Variants in SOX6 observed in about 807,000 individuals in gnomAD.
SOX6 encodes transcription factor SOX-6.
SOX6 carries 11 observed loss-of-function variants against 97.8 expected under a neutral mutation model. That is an observed-to-expected ratio of 0.11 (90% CI 0.07 to 0.19). The LOEUF (loss-of-function observed/expected upper bound fraction) is 0.19, where lower values mean the gene tolerates loss of function less well. Ranked by LOEUF, SOX6 falls within the 10% of genes least tolerant of loss-of-function variation. SOX6 has a pLI of 1.00. For missense variants in SOX6, 810 were observed against 1,039.5 expected, an observed-to-expected ratio of 0.78 and a Z score of 3.04; for synonymous variants, 360 against 371.4, an observed-to-expected ratio of 0.97 and a Z score of 0.35.
At chr11:16,054,171 A>G (rs75082810) in intron 10 of SOX6, among the ~76,000 whole-genome samples, 23 of 152,222 alleles carry the variant, frequency 1.5e-4, no homozygotes, top group Non-Finnish European at 3.1e-4. Context: ...TCCAGTAAAG[A>G]CTTGGTTTGG....
intron 5 of SOX6, 103 bp downstream of exon 5, chr11:16,186,680 T>A: frequency 7.5e-7 from 1 of 1,338,204 alleles, no homozygotes; most frequent in Non-Finnish European, 1.0e-6. Flanking sequence ...TTTATTTTTA[T>A]TTTTTAGGAA....
chr11:16,662,376 T>C (rs541135642), intron 3 of SOX6, among the ~76,000 whole-genome samples: 1 of 152,354 alleles, frequency 6.6e-6, no homozygotes, highest in South Asian at 2.1e-4. Context: ...AATGTAATTC[T>C]TAACCTTATT....
chr11:16,647,544 T>A (rs1849032213), intron 3 of SOX6, among the ~76,000 whole-genome samples: 1 of 152,078 alleles, frequency 6.6e-6, no homozygotes, highest in Admixed American at 6.6e-5. Context: ...AACAAAACAG[T>A]GTGTGGAGAC....
intron 4 of SOX6, among the ~76,000 whole-genome samples, chr11:16,606,343 A>G (rs1164558391): frequency 6.6e-6 from 1 of 152,118 alleles, no homozygotes; most frequent in Non-Finnish European, 1.5e-5. Flanking sequence ...TGCGGCGGTA[A>G]CAAGAGATAC....
intron 1 of SOX6, among the ~76,000 whole-genome samples, chr11:16,393,126 C>A (rs773487267): frequency 6.6e-6 from 1 of 151,974 alleles, no homozygotes; most frequent in Admixed American, 6.6e-5. Flanking sequence ...TTGAGTCTAG[C>A]GCTCCACAGT....
chr11:16,673,112 G>A (rs1488496808), intron 3 of SOX6, among the ~76,000 whole-genome samples: 1 of 152,068 alleles, frequency 6.6e-6, no homozygotes, highest in Admixed American at 6.5e-5. Context: ...TACAGTGAAA[G>A]TGAAAGCAGT....
chr11:16,594,599 A>G (rs540067024), intron 4 of SOX6, among the ~76,000 whole-genome samples: 24 of 151,986 alleles, frequency 1.6e-4, no homozygotes, highest in African/African-American at 3.1e-4. Context: ...CTGAGACTCA[A>G]TTGATTAATA....
In SOX6 at chr11:16,732,012, C is replaced by T. The variant is rs570570137; in HGVS notation, n.353+4327G>A. The stretch of plus-strand genomic sequence containing the variant: ...CAATTGCTACAAAGAGAATAAAATA[C>T]CCAGGAATACAACTTAGAATTGATG... On this transcript the variant is annotated intron_variant and non_coding_transcript_variant, in intron 2 of 5. Coordinates refer to the SOX6 transcript ENST00000524520. 4.6e-5 allele frequency among the ~76,000 whole-genome samples: 7 copies of T among 152,208 alleles called. No individual in the cohort carries two copies. In the East Asian group the frequency reaches 1.2e-3, roughly 25 times the overall value.
intron 4 of SOX6, among the ~76,000 whole-genome samples, chr11:16,520,352 T>C (rs1164631783): frequency 2.6e-5 from 4 of 152,262 alleles, no homozygotes; most frequent in African/African-American, 4.8e-5. Context: ...AAGTCTTTAA[T>C]CCATTTTGAG....
chr11:16,243,518 A>G (rs926502779), intron 3 of SOX6, among the ~76,000 whole-genome samples: 5 of 151,932 alleles, frequency 3.3e-5, no homozygotes, highest in African/African-American at 1.2e-4. Context: ...TTAATTAACT[A>G]TATTCATATA....
intron 1 of SOX6, among the ~76,000 whole-genome samples, chr11:16,396,735 T>C (rs780433274): frequency 6.6e-5 from 10 of 151,622 alleles, no homozygotes; most frequent in Non-Finnish European, 1.3e-4. Context: ...ATGAAGTAAT[T>C]TATGCAAAAT....
chr11:16,461,061 A>T (rs1354327), intron 1 of SOX6, among the ~76,000 whole-genome samples: 149,661 of 152,186 alleles, frequency 0.98, 73,642 homozygotes, highest in East Asian at 1. Context: ...TAATTTTCAG[A>T]GAGGATCTAA....
At chr11:16,214,382 G>C (rs1198499506) in intron 4 of SOX6, among the ~76,000 whole-genome samples, 3 of 152,076 alleles carry the variant, frequency 2.0e-5, no homozygotes. Flanking sequence ...TGAATTACTG[G>C]GTACTTACTA....
chr11:16,319,359 C>T (rs1025826530), intron 2 of SOX6, among the ~76,000 whole-genome samples: 1 of 152,050 alleles, frequency 6.6e-6, no homozygotes, highest in Admixed American at 6.6e-5. Flanking sequence ...TTAAAAATGT[C>T]TTTTTTTAGT....
At position 16,297,451 on chromosome 11, in the gene SOX6, T is replaced by C. The variant is rs192715669; in HGVS notation, c.445+20995A>G. Among the ~76,000 whole-genome samples, 418 of 152,320 alleles carry C rather than the reference T, an allele frequency of 2.7e-3. 2 individuals are homozygous for C. Among genetic ancestry groups the C allele is most frequent in the African/African-American group, 9.3e-3 (386 of 41,582 alleles). ...CTGCTATCTTTTGTAACAGTTCACATGTCAAACTGGCAAAGTGCCCATATT... is the reference window on the plus strand; with the variant it reads ...CTGCTATCTTTTGTAACAGTTCACACGTCAAACTGGCAAAGTGCCCATATT... On this transcript the variant is annotated intron_variant, in intron 3 of 15. Coordinates refer to ENST00000683767, the MANE Select transcript of SOX6 (RefSeq NM_001367873.1).
chr11:16,553,787 AGATGAGTTTCATCAC>A (rs1358066479), intron 4 of SOX6, among the ~76,000 whole-genome samples: 2 of 152,132 alleles, frequency 1.3e-5, no homozygotes, highest in South Asian at 4.1e-4. Context: ...AAGACGGGAT[AGATGAGTTTCATCAC>A]TGAATTATGA....
At chr11:16,010,978 T>A (rs1435805467) in intron 13 of SOX6, among the ~76,000 whole-genome samples, 2 of 152,040 alleles carry the variant, frequency 1.3e-5, no homozygotes, top group Non-Finnish European at 2.9e-5. Context: ...CCAACATACC[T>A]TTTTTAAAAG....
At chr11:16,064,207 G>T (rs1848035953) in intron 9 of SOX6, among the ~76,000 whole-genome samples, 8 of 151,558 alleles carry the variant, frequency 5.3e-5, no homozygotes, top group Admixed American at 5.3e-4. Context: ...AGACTGATAA[G>T]ATAAAAAGAA....
At chr11:16,371,526 G>A (rs1857494672) in intron 1 of SOX6, among the ~76,000 whole-genome samples, 1 of 151,726 alleles carries the variant, frequency 6.6e-6, no homozygotes, top group Admixed American at 6.6e-5. Context: ...GCTCCTTGAG[G>A]GCAGAGATTT....
Sources: gnomAD v4.1 joint callset for allele counts (sites outside exome capture counted in the v4.1 genomes callset) on GRCh38, gnomAD v4.1.1 for gene constraint, MANE v1.5 for transcripts, NCBI Gene and HGNC (gene_info 2026-07-23, HGNC 2026-07-21) for gene names.